PDAP1: variants seen among roughly 807,000 people sequenced by gnomAD.
The protein encoded by PDAP1 is 28 kDa heat- and acid-stable phosphoprotein.
A neutral mutation model predicts 28.0 loss-of-function variants in PDAP1; 13 were observed. The observed-to-expected ratio is 0.46, with a 90% confidence interval of 0.30 to 0.74. The LOEUF is 0.74. Among genes scored for constraint, PDAP1 ranks in the 30% least tolerant of loss-of-function variants. The pLI, the probability that PDAP1 is intolerant of heterozygous loss-of-function variation, is 0.07. For synonymous variants in PDAP1, 77 were observed against 85.1 expected, an observed-to-expected ratio of 0.91 and a Z score of 0.52; for missense variants, 150 against 230.0, an observed-to-expected ratio of 0.65 and a Z score of 2.25.
At chr7:99,404,206 A>C (rs1190630177) in intron 2 of PDAP1, among the ~76,000 whole-genome samples, 1 of 152,136 alleles carries the variant, frequency 6.6e-6, no homozygotes, top group African/African-American at 2.4e-5. Flanking sequence ...CTCCTGGGGT[A>C]CGTCACAGCT....
rs1279503487 is a variant in PDAP1 at position 99,395,543 on chromosome 7, TTA to T, written c.*1137_*1138del. The T allele has an allele frequency of 6.6e-6, 1 of 152,262 alleles. No individual in the cohort carries two copies. Among genetic ancestry groups the T allele is most frequent in the Non-Finnish European group, 1.5e-5 (1 of 68,056 alleles). 9.4% of individuals were successfully genotyped at this position (152,262 alleles called of 1,614,324 possible). Reference sequence around the variant, plus strand: ...GTAAACTGAGGTTCTGTCTTGGAGTTTATGTCATGTCACCAGGTCCTGTGCTG... The same window carrying T: ...GTAAACTGAGGTTCTGTCTTGGAGTTTGTCATGTCACCAGGTCCTGTGCTG... On this transcript the variant is annotated 3_prime_UTR_variant, in exon 6 of 6. Coordinates refer to ENST00000350498, the MANE Select transcript of PDAP1 (RefSeq NM_014891.7).
At chr7:99,406,527 A>G in intron 1 of PDAP1, 1 of 971,184 alleles carries the variant, frequency 1.0e-6, no homozygotes, top group Non-Finnish European at 1.2e-6. Flanking sequence ...AAAAGTTAAA[A>G]ATGTGACTAG....
At chr7:99,403,194 TCA>T (rs1366501810) in intron 3 of PDAP1, 4 of 577,970 alleles carry the variant, frequency 6.9e-6, no homozygotes, top group Non-Finnish European at 1.2e-5. Context: ...GTCCCCTCAA[TCA>T]CAGTCTGTTT....
At chr7:99,396,771 A>G in intron 5 of PDAP1, 31 bp from the exon 6 acceptor site, 1 of 1,580,860 alleles carries the variant, frequency 6.3e-7, no homozygotes, top group South Asian at 1.1e-5. Context: ...AGGGGTTAAA[A>G]CAAAGCAACC....
At chr7:99,405,033 A>C (rs1366717654) in intron 1 of PDAP1, 80 bp from the exon 2 acceptor site, 9 of 1,055,280 alleles carry the variant, frequency 8.5e-6, no homozygotes, top group Non-Finnish European at 1.2e-5. Flanking sequence ...TCCTGCTTGG[A>C]GTACTCTCAT....
Position 99,400,289 on chromosome 7 carries a change from G to T in PDAP1, c.335+14C>A. 1.9e-6 allele frequency: 3 copies of T among 1,612,930 alleles called. No homozygotes were observed. Among genetic ancestry groups the T allele is most frequent in the Non-Finnish European group, 2.5e-6 (3 of 1,179,730 alleles). On this transcript the variant is annotated intron_variant, in intron 4 of 5. Coordinates refer to ENST00000350498, the MANE Select transcript of PDAP1 (RefSeq NM_014891.7). The stretch of plus-strand genomic sequence containing the variant: ...TGTATTCCCCGTGACACAAGGCCCA[G>T]CCAGTGATGTTACCGTTCTCTCCTC...
Position 99,408,556 on chromosome 7 carries a change from CCGGCGGCTGCGGCGGCGG to C in PDAP1, c.-26_-9del. 7.8e-7 allele frequency: 1 copy of C among 1,276,256 alleles called. No individual in the cohort carries two copies. The highest frequency in any genetic ancestry group is 1.5e-5 in the African/African-American group (1 of 64,820). The allele number at this position is 1,276,256 out of a possible 1,614,324, so 79.1% of individuals were successfully genotyped here. On this transcript the variant is annotated 5_prime_UTR_variant, in exon 1 of 6. Coordinates refer to ENST00000350498, the MANE Select transcript of PDAP1 (RefSeq NM_014891.7). ...CTCACCTCCTTTAGGCATTGCGGCT[CCGGCGGCTGCGGCGGCGG>C]CGGCGGCGCCTCGAACTGACACCGG...
chr7:99,403,284 C>T (rs542363983), intron 3 of PDAP1, 114 bp downstream of exon 3: 3 of 684,518 alleles, frequency 4.4e-6, no homozygotes, highest in Middle Eastern at 3.9e-4. Context: ...TGTAAACCCT[C>T]AAGAGCAAGG....
intron 5 of PDAP1, among the ~76,000 whole-genome samples, chr7:99,397,218 C>A (rs1220902907): frequency 6.6e-6 from 1 of 152,152 alleles, no homozygotes. Context: ...CCTTTCCAGG[C>A]CTGCTTCCTC....
chr7:99,406,670 T>C (rs1278384632), intron 1 of PDAP1: 1 of 936,498 alleles, frequency 1.1e-6, no homozygotes, highest in African/African-American at 1.8e-5. Context: ...CAAGGGTGGC[T>C]GTGGCCTCAA....
In PDAP1 at chr7:99,394,831, A is replaced by C; in HGVS notation, c.*1851T>G. On this transcript the variant is annotated 3_prime_UTR_variant, in exon 6 of 6. Transcript: ENST00000350498. ...TTATGGACATGCTTGCCTATGTGGAAGGAGAGGTTTTTTGTTATTTCCTTG... is the reference window on the plus strand; with the variant it reads ...TTATGGACATGCTTGCCTATGTGGACGGAGAGGTTTTTTGTTATTTCCTTG... 1 of 1,243,132 alleles carries C rather than the reference A, an allele frequency of 8.0e-7. No individual in the cohort carries two copies. The highest frequency in any genetic ancestry group is 1.0e-6 in the Non-Finnish European group (1 of 995,316). The allele number at this position is 1,243,132 out of a possible 1,614,324, so 77.0% of individuals were successfully genotyped here.
chr7:99,397,283 C>CG (rs1281274191), intron 5 of PDAP1, among the ~76,000 whole-genome samples: 1 of 152,084 alleles, frequency 6.6e-6, no homozygotes, highest in Non-Finnish European at 1.5e-5. Flanking sequence ...CACAGACCCC[C>CG]GGGAGATGGA....
chr7:99,401,074 G>A (rs540060236), intron 3 of PDAP1, among the ~76,000 whole-genome samples: 7 of 152,244 alleles, frequency 4.6e-5, no homozygotes, highest in Non-Finnish European at 1.0e-4. Flanking sequence ...TAAGGGGGCA[G>A]GGAGACAGCT....
chr7:99,407,156 T>C (rs1794987154), intron 1 of PDAP1, among the ~76,000 whole-genome samples: 1 of 152,232 alleles, frequency 6.6e-6, no homozygotes, highest in Admixed American at 6.5e-5. Flanking sequence ...CTTAGGGAGT[T>C]TGATACTTTT....
intron 3 of PDAP1, among the ~76,000 whole-genome samples, chr7:99,400,968 C>T (rs796710629): frequency 5.3e-5 from 8 of 152,248 alleles, no homozygotes; most frequent in African/African-American, 1.9e-4. Flanking sequence ...CTGCACCTTC[C>T]ACCTCCCCTG....
At chr7:99,399,060 G>A (rs971630125) in intron 4 of PDAP1, among the ~76,000 whole-genome samples, 3 of 152,158 alleles carry the variant, frequency 2.0e-5, no homozygotes, top group African/African-American at 2.4e-5. Context: ...CTGGGTTCCT[G>A]GAAGAGCCAA....
At chr7:99,400,802 G>A (rs1011292127) in intron 3 of PDAP1, among the ~76,000 whole-genome samples, 3 of 152,130 alleles carry the variant, frequency 2.0e-5, no homozygotes, top group African/African-American at 7.2e-5. Context: ...AAAGCGCTGG[G>A]CTGGAATCCC....
At chr7:99,400,445 G>C (rs1429165066) in intron 3 of PDAP1, 21 bp from the exon 4 acceptor site, 9 of 1,613,852 alleles carry the variant, frequency 5.6e-6, no homozygotes, top group Non-Finnish European at 7.6e-6. Flanking sequence ...GCAAGAAGCT[G>C]GTTGTTGGAG....
chr7:99,394,964 C>A lies in PDAP1; in HGVS notation c.*1718G>T. ...AGGGAGAGATTGGTGTTTGCACGGC[C>A]ATAGGTAGATAGCTTATTTTTACTG... On this transcript the variant is annotated 3_prime_UTR_variant, in exon 6 of 6. Coordinates refer to ENST00000350498, the MANE Select transcript of PDAP1 (RefSeq NM_014891.7). 1 of 449,086 alleles carries A rather than the reference C, an allele frequency of 2.2e-6. No individual in the cohort carries two copies. Among genetic ancestry groups the A allele is most frequent in the Non-Finnish European group, 3.3e-6 (1 of 305,836 alleles). 27.8% of individuals were successfully genotyped at this position (449,086 alleles called of 1,614,324 possible).
Sources: allele counts gnomAD v4.1 joint callset (sites outside exome capture counted in the v4.1 genomes callset), GRCh38; gene constraint gnomAD v4.1.1; transcripts MANE v1.5; gene names NCBI Gene and HGNC (gene_info 2026-07-23, HGNC 2026-07-21).